PTPRQ: variants seen among roughly 807,000 people sequenced by gnomAD.
The protein encoded by PTPRQ is protein tyrosine phosphatase receptor type Q.
A neutral mutation model predicts 246.0 loss-of-function variants in PTPRQ; 199 were observed. The ratio of observed to expected loss-of-function variants is 0.81; its 90% CI spans 0.72 to 0.91. The LOEUF (loss-of-function observed/expected upper bound fraction) is 0.91. PTPRQ is among the 40% of genes least tolerant of loss of function. The pLI is 0.00. For synonymous variants in PTPRQ, 869 were observed against 853.2 expected (o/e 1.02, Z -0.32); for missense variants, 2,624 against 2,528.4 (o/e 1.04, Z -0.81).
intron 39 of PTPRQ, among the ~76,000 whole-genome samples, chr12:80,666,080 GA>G (rs1359520175): frequency 6.6e-6 from 1 of 152,034 alleles, no homozygotes; most frequent in Non-Finnish European, 1.5e-5. Flanking sequence ...CCAAAGGGAA[GA>G]AAATCAGTAT....
At chr12:80,546,816 A>G in intron 24 of PTPRQ, 119 bp downstream of exon 24, 1 of 1,229,260 alleles carries the variant, frequency 8.1e-7, no homozygotes, top group South Asian at 1.6e-5. Flanking sequence ...GGGAAATTGC[A>G]TTTCAGTGCT....
intron 1 of PTPRQ, 134 bp from the exon 2 acceptor site, chr12:80,444,607 A>G: frequency 1.4e-6 from 1 of 719,894 alleles, no homozygotes; most frequent in Non-Finnish European, 2.4e-6. Flanking sequence ...AATAATATGG[A>G]ACTTATTGTG....
At chr12:80,482,555 C>T (rs1378097950) in intron 8 of PTPRQ, among the ~76,000 whole-genome samples, 12 of 150,634 alleles carry the variant, frequency 8.0e-5, no homozygotes, top group South Asian at 2.1e-4. Flanking sequence ...AGCTTCTGTA[C>T]AGCAAAAGAA....
At chr12:80,586,969 C>A (rs924735630) in intron 25 of PTPRQ, among the ~76,000 whole-genome samples, 1 of 152,226 alleles carries the variant, frequency 6.6e-6, no homozygotes, top group Non-Finnish European at 1.5e-5. Flanking sequence ...GGAATTTGAA[C>A]GTCTTCTGAT....
chr12:80,616,976 A>C (rs1380022548), intron 30 of PTPRQ, among the ~76,000 whole-genome samples: 5 of 151,234 alleles, frequency 3.3e-5, no homozygotes. Context: ...GAGAGGTTTT[A>C]AAAACAGAAG....
At chr12:80,487,081 T>G (rs771588092) in intron 9 of PTPRQ, among the ~76,000 whole-genome samples, 1 of 152,092 alleles carries the variant, frequency 6.6e-6, no homozygotes, top group African/African-American at 2.4e-5. Context: ...GACCTAACAG[T>G]TTCAATCACT....
intron 27 of PTPRQ, among the ~76,000 whole-genome samples, chr12:80,608,414 C>A (rs919725011): frequency 2.7e-5 from 4 of 150,312 alleles, no homozygotes; most frequent in Non-Finnish European, 4.5e-5. Flanking sequence ...TTTTGTACTG[C>A]CAAATTTGAG....
At chr12:80,496,596 C>A (rs142862117) in intron 14 of PTPRQ, 65 bp downstream of exon 14, 3 of 1,473,232 alleles carry the variant, frequency 2.0e-6, no homozygotes. Context: ...AGCTGATAAT[C>A]GCCATGTTGT....
intron 30 of PTPRQ, among the ~76,000 whole-genome samples, chr12:80,616,869 G>T (rs543600834): frequency 8.0e-5 from 12 of 150,902 alleles, no homozygotes; most frequent in Non-Finnish European, 1.6e-4. Flanking sequence ...AGGAATTTAG[G>T]GCCATTCGAA....
intron 14 of PTPRQ, among the ~76,000 whole-genome samples, chr12:80,499,791 TG>T (rs1894740634): frequency 6.6e-6 from 1 of 151,906 alleles, no homozygotes; most frequent in Admixed American, 6.6e-5. Flanking sequence ...TGTATCTCTG[TG>T]TGTGTTTGTG....
rs1444939353 is a variant in PTPRQ, at chr12:80,670,445, T to A, written c.6555T>A (p.Val2185=). 1 of 1,551,276 alleles carries A rather than the reference T, an allele frequency of 6.4e-7. No individual in the cohort carries two copies. Among genetic ancestry groups the A allele is most frequent in the Non-Finnish European group, 8.7e-7 (1 of 1,146,608 alleles). ...CTCTAATTCACTTTGTGAAGTTGGTTCGAGCAAGCAGGGCACATGACACCA... is the reference window on the plus strand; with the variant it reads ...CTCTAATTCACTTTGTGAAGTTGGTACGAGCAAGCAGGGCACATGACACCA... The part of the protein sequence containing the change: ...SAPLIHFVKL[V]RASRAHDTTP... The change falls in exon 42 of 45, where the codon GTT becomes GTA. Residue 2185 remains valine (V), a synonymous_variant. Transcript: ENST00000644991.
At chr12:80,457,148 GT>G (rs1015157022) in intron 3 of PTPRQ, among the ~76,000 whole-genome samples, 7 of 151,840 alleles carry the variant, frequency 4.6e-5, no homozygotes, top group Non-Finnish European at 8.8e-5. Flanking sequence ...TTTTAAAACA[GT>G]TTTTTGAGTA....
chr12:80,495,210 T>G lies in PTPRQ; in HGVS notation c.1721T>G (p.Ile574Ser). Residue 574 changes from isoleucine (I) to serine (S), a missense_variant, in exon 12 of 45, where the codon ATT becomes AGT. Coordinates refer to ENST00000644991, the MANE Select transcript of PTPRQ (RefSeq NM_001145026.2). Reference sequence around the variant, plus strand: ...TTTTAAGTGCCAAGCTCCATTAAAATTATAAACTATAAAAATATTAGTTCT... The same window carrying G: ...TTTTAAGTGCCAAGCTCCATTAAAAGTATAAACTATAAAAATATTAGTTCT... ...TRQQVPSSIK[I>S]INYKNISSSS... 1 of 1,540,308 alleles carries G rather than the reference T, an allele frequency of 6.5e-7. No homozygotes were observed. Among genetic ancestry groups the G allele is most frequent in the Non-Finnish European group, 8.7e-7 (1 of 1,143,388 alleles).
At chr12:80,616,067 C>A in intron 29 of PTPRQ, 133 bp from the exon 30 acceptor site, 1 of 456,572 alleles carries the variant, frequency 2.2e-6, no homozygotes, top group Non-Finnish European at 3.1e-6. Context: ...TTACATGTAA[C>A]CATAATCAGT....
chr12:80,496,138 T>A lies in PTPRQ; in HGVS notation c.1990+32T>A, dbSNP rs187920771. On this transcript the variant is annotated intron_variant, in intron 13 of 44. Coordinates refer to ENST00000644991, the MANE Select transcript of PTPRQ (RefSeq NM_001145026.2). ...ATATCAATTGCAGCTTTAATTTTTT[T>A]AAAAAAGTGGTTGTAAATGCTCACT... 810 of 1,542,692 alleles carry A rather than the reference T, an allele frequency of 5.3e-4. 4 individuals are homozygous for A. In the African/African-American group the frequency reaches 7.9e-3, roughly 15 times the overall value.
intron 3 of PTPRQ, among the ~76,000 whole-genome samples, chr12:80,446,226 G>GTTTT (rs530783702): frequency 7.0e-6 from 1 of 142,778 alleles, no homozygotes; most frequent in Non-Finnish European, 1.5e-5. Flanking sequence ...GGGAGCTCAA[G>GTTTT]TTTTTTTTTT....
chr12:80,520,223 G>T (rs1895430493), intron 17 of PTPRQ, among the ~76,000 whole-genome samples: 1 of 152,100 alleles, frequency 6.6e-6, no homozygotes, highest in African/African-American at 2.4e-5. Context: ...CATGTTGTTG[G>T]AGGGACTGGT....
intron 26 of PTPRQ, among the ~76,000 whole-genome samples, chr12:80,594,403 A>G (rs950156965): frequency 6.6e-6 from 1 of 152,176 alleles, no homozygotes; most frequent in Non-Finnish European, 1.5e-5. Context: ...AATAAATATC[A>G]TTTATTCTAG....
In PTPRQ at chr12:80,649,596, G is replaced by A. The variant is rs1245788555; in HGVS notation, c.5951G>A (p.Ser1984Asn). ...LSYRKSIKPI[S>N]KKSFLQHVEE... ...CCTTTCTTTACTTGGAGGCCAATAA[G>A]CAAGAAATCCTTCCTGCAACATGTT... The change falls in exon 37 of 45, where the codon AGC becomes AAC. Residue 1984 changes from serine (S) to asparagine (N), a missense_variant. Transcript: ENST00000644991. 4 of 1,549,266 alleles carry A rather than the reference G, an allele frequency of 2.6e-6. No homozygotes were observed. Among genetic ancestry groups the A allele is most frequent in the African/African-American group, 2.7e-5 (2 of 72,922 alleles).
Sources: allele counts gnomAD v4.1 joint callset (sites outside exome capture counted in the v4.1 genomes callset), GRCh38; gene constraint gnomAD v4.1.1; transcripts MANE v1.5; gene names NCBI Gene and HGNC (gene_info 2026-07-23, HGNC 2026-07-21).